Variants in DLG2 observed in about 807,000 individuals in gnomAD.
DLG2 encodes the protein discs large MAGUK scaffold protein 2.
A neutral mutation model predicts 132.5 loss-of-function variants in DLG2; 45 were observed. The ratio of observed to expected loss-of-function variants is 0.34; its 90% CI spans 0.27 to 0.44. The LOEUF is 0.44. Among genes scored for constraint, DLG2 ranks in the 20% least tolerant of loss-of-function variants. The probability of loss-of-function intolerance (pLI) is 1.00; values close to 1 mark genes in which losing one functional copy is unlikely to be tolerated. For missense variants in DLG2, 1,045 were observed against 1,196.9 expected (o/e 0.87, Z 1.87); for synonymous variants, 424 against 419.6 (o/e 1.01, Z -0.13).
intron 7 of DLG2, among the ~76,000 whole-genome samples, chr11:84,267,481 G>C (rs112841099): frequency 0.013 from 1,959 of 152,272 alleles, 21 homozygotes; most frequent in Non-Finnish European, 0.019. Context: ...TCCTATTCCT[G>C]TACCACTAGT....
At chr11:84,077,669 A>C (rs2096847652) in intron 10 of DLG2, among the ~76,000 whole-genome samples, 1 of 152,214 alleles carries the variant, frequency 6.6e-6, no homozygotes, top group Non-Finnish European at 1.5e-5. Context: ...TATTTTTTTC[A>C]CAATTACATC....
At chr11:85,438,412 T>C (rs1023688247) in intron 3 of DLG2, among the ~76,000 whole-genome samples, 1 of 152,216 alleles carries the variant, frequency 6.6e-6, no homozygotes, top group African/African-American at 2.4e-5. Flanking sequence ...CATGCCCTGA[T>C]ATATTTTAAA....
chr11:83,801,922 A>G (rs910031085), intron 17 of DLG2, among the ~76,000 whole-genome samples: 1 of 152,184 alleles, frequency 6.6e-6, no homozygotes, highest in African/African-American at 2.4e-5. Context: ...AATCATTAAA[A>G]TTTATTTGAC....
intron 6 of DLG2, among the ~76,000 whole-genome samples, chr11:84,620,765 C>A (rs1056439371): frequency 6.6e-6 from 1 of 152,026 alleles, no homozygotes; most frequent in Non-Finnish European, 1.5e-5. Flanking sequence ...GCAGATGAAT[C>A]GGCACAACTA....
chr11:85,474,830 G>A (rs1263954562), intron 3 of DLG2, among the ~76,000 whole-genome samples: 2 of 151,240 alleles, frequency 1.3e-5, no homozygotes, highest in East Asian at 3.9e-4. Context: ...ATGGCCACAT[G>A]GTTACCATAT....
intron 21 of DLG2, among the ~76,000 whole-genome samples, chr11:83,508,403 A>AT (rs746968613): frequency 0.019 from 1,561 of 80,174 alleles, 54 homozygotes; most frequent in Middle Eastern, 0.033. Context: ...CGCCTGGCTA[A>AT]TTTTTTTTTT....
At chr11:85,199,821 T>C (rs2081319669) in intron 4 of DLG2, among the ~76,000 whole-genome samples, 1 of 152,184 alleles carries the variant, frequency 6.6e-6, no homozygotes, top group Non-Finnish European at 1.5e-5. Context: ...TCACATAGTC[T>C]AGACTCTAGA....
chr11:83,827,880 A>C (rs1244712681), intron 17 of DLG2, among the ~76,000 whole-genome samples: 1 of 152,220 alleles, frequency 6.6e-6, no homozygotes. Flanking sequence ...ATACATCAAG[A>C]ATATGGTTCA....
rs73521774 is a variant in DLG2 at position 84,368,081 on chromosome 11, G to T, written c.520-116790C>A. ...TCTAAGATCTCCAATGCTGTTTTGT[G>T]CTTTTATTGTATTGTCACAGTCTAT... On this transcript the variant is annotated intron_variant, in intron 7 of 27. Coordinates refer to ENST00000376104, the MANE Select transcript of DLG2 (RefSeq NM_001142699.3). Among the ~76,000 whole-genome samples, 215 of 152,184 alleles carry T rather than the reference G, an allele frequency of 1.4e-3. 1 individual carries two copies. The highest frequency in any genetic ancestry group is 4.9e-3 in the African/African-American group (204 of 41,566).
intron 6 of DLG2, among the ~76,000 whole-genome samples, chr11:84,929,407 G>T (rs1443946317): frequency 6.6e-6 from 1 of 151,914 alleles, no homozygotes; most frequent in Non-Finnish European, 1.5e-5. Context: ...ATGATATAAA[G>T]AATTAAACTT....
intron 11 of DLG2, among the ~76,000 whole-genome samples, chr11:84,042,608 A>G (rs2096120417): frequency 6.6e-6 from 1 of 151,876 alleles, no homozygotes; most frequent in African/African-American, 2.4e-5. Flanking sequence ...AATGTTTATC[A>G]AGTTTATTCT....
chr11:85,063,916 C>T lies in DLG2; in HGVS notation c.357+47745G>A, dbSNP rs1051733113. 5.3e-5 allele frequency among the ~76,000 whole-genome samples: 8 copies of T among 151,770 alleles called. 1 individual carries two copies. Among genetic ancestry groups the T allele is most frequent in the South Asian group, 2.1e-4 (1 of 4,824 alleles). ...CTGGGTTCTGTGGTGACAAATAAGGCGATATTAGACTAAATACTTGTTGAC... is the reference window on the plus strand; with the variant it reads ...CTGGGTTCTGTGGTGACAAATAAGGTGATATTAGACTAAATACTTGTTGAC... On this transcript the variant is annotated intron_variant, in intron 6 of 27. Coordinates refer to ENST00000376104, the MANE Select transcript of DLG2 (RefSeq NM_001142699.3).
chr11:84,066,166 G>A (rs1049722382), intron 10 of DLG2, among the ~76,000 whole-genome samples: 4 of 151,866 alleles, frequency 2.6e-5, no homozygotes, highest in Non-Finnish European at 4.4e-5. Context: ...AAACCCCTAC[G>A]ACATGCAATT....
rs113997842 is a variant in DLG2 at position 85,392,162 on chromosome 11, A to C, written c.41-106797T>G. Among the ~76,000 whole-genome samples, 443 of 152,268 alleles carry C rather than the reference A, an allele frequency of 2.9e-3. 1 individual carries two copies. The highest frequency in any genetic ancestry group is 0.01 in the African/African-American group (429 of 41,572). On this transcript the variant is annotated intron_variant, in intron 3 of 27. Coordinates refer to ENST00000376104, the MANE Select transcript of DLG2 (RefSeq NM_001142699.3). ...CCAACAGCGACCAAGTTGAAAATCA[A>C]ATCAAGAACTCAACCCCTTTTACAA... is the stretch of plus-strand genomic sequence containing the variant.
intron 11 of DLG2, among the ~76,000 whole-genome samples, chr11:84,035,332 A>G (rs1396792621): frequency 6.6e-6 from 1 of 152,120 alleles, no homozygotes; most frequent in Non-Finnish European, 1.5e-5. Flanking sequence ...AAAGTTTTCT[A>G]CCCTCCTAGA....
At chr11:84,965,402 T>C (rs1465474642) in intron 6 of DLG2, among the ~76,000 whole-genome samples, 1 of 152,090 alleles carries the variant, frequency 6.6e-6, no homozygotes, top group East Asian at 1.9e-4. Flanking sequence ...ACAATATCCT[T>C]ACTGAAGTGA....
chr11:83,803,794 G>C (rs1213048214), intron 17 of DLG2, among the ~76,000 whole-genome samples: 4 of 152,064 alleles, frequency 2.6e-5, no homozygotes, highest in Admixed American at 6.6e-5. Flanking sequence ...GCTGCCTCCA[G>C]AGACATATCT....
chr11:85,581,570 A>T (rs985038845), intron 3 of DLG2, among the ~76,000 whole-genome samples: 7 of 152,136 alleles, frequency 4.6e-5, no homozygotes, highest in Non-Finnish European at 1.0e-4. Context: ...GTGAGCTGAC[A>T]TGGTGCCACT....
chr11:85,145,208 C>T (rs2076759784), intron 5 of DLG2, among the ~76,000 whole-genome samples: 2 of 151,962 alleles, frequency 1.3e-5, no homozygotes, highest in Admixed American at 1.3e-4. Context: ...GATGTATGCT[C>T]CCTTGCAATG....
Sources: gnomAD v4.1 joint callset for allele counts (sites outside exome capture counted in the v4.1 genomes callset) on GRCh38, gnomAD v4.1.1 for gene constraint, MANE v1.5 for transcripts, NCBI Gene and HGNC (gene_info 2026-07-23, HGNC 2026-07-21) for gene names.